Variants in SETD2 observed in about 807,000 individuals in gnomAD.
The protein encoded by SETD2 is histone-lysine N-methyltransferase SETD2.
In SETD2, 31 loss-of-function variants were observed where a neutral mutation model predicts 242.1. The ratio of observed to expected loss-of-function variants is 0.13; its 90% confidence interval spans 0.10 to 0.17. The LOEUF is 0.17. Among genes scored for constraint, SETD2 ranks in the 10% least tolerant of loss-of-function variants. The pLI is 1.00. For missense variants in SETD2, 2,481 were observed against 3,046.3 expected (o/e 0.81, Z 4.37); for synonymous variants, 1,006 against 1,066.5 (o/e 0.94, Z 1.11).
chr3:47,131,080 G>A (rs770732877), intron 1 of SETD2, among the ~76,000 whole-genome samples: 25 of 152,032 alleles, frequency 1.6e-4, no homozygotes, highest in Non-Finnish European at 3.2e-4. Flanking sequence ...CCTATCAAGC[G>A]CATTAATAAA....
At chr3:47,080,875 C>T (rs2041291400) in intron 12 of SETD2, 9 of 986,902 alleles carry the variant, frequency 9.1e-6, no homozygotes, top group Non-Finnish European at 1.1e-5. Context: ...ACCAAAATAA[C>T]GCCGGCGCCA....
Position 47,122,865 on chromosome 3 carries a change from G to T in SETD2, c.1771C>A (p.Gln591Lys). The T allele has an allele frequency of 6.2e-7, 1 of 1,611,516 alleles. No homozygotes were observed. The highest frequency in any genetic ancestry group is 8.5e-7 in the Non-Finnish European group (1 of 1,178,820). ...TCACTACCTTTTGAACAAGGTGTCT[G>T]TAAACTAAAAGAATGAGACTGTTTG... ...EIKQSHSFSL[Q>K]TPCSKGSELR... Residue 591 changes from glutamine to lysine, a missense_variant, in exon 3 of 21, where the codon CAG becomes AAG. By Grantham distance (53) the Gln-to-Lys change is moderately conservative (BLOSUM62 1). This residue lies in a region of SETD2 where 1,300 missense variants were observed against 1,259.2 expected (regional missense o/e 1.03). Transcript: ENST00000409792.
chr3:47,029,255 G>T (rs544708906), intron 18 of SETD2, among the ~76,000 whole-genome samples: 6 of 150,040 alleles, frequency 4.0e-5, no homozygotes, highest in Admixed American at 1.3e-4. Flanking sequence ...TAATGGTTTT[G>T]CCATGTTGCT....
chr3:47,037,289 A>T (rs1360635932), intron 18 of SETD2, among the ~76,000 whole-genome samples: 1 of 15,888 alleles, frequency 6.3e-5, no homozygotes, highest in African/African-American at 2.1e-4. Context: ...CCTCCCCCCC[A>T]CCCCACAACA....
rs746071825 is a variant in SETD2, at chr3:47,019,787, C to T, written c.7404G>A (p.Lys2468=). 16 of 1,613,866 alleles carry T rather than the reference C, an allele frequency of 9.9e-6. No individual in the cohort carries two copies. ...CTTTTCTGAATACTTCTTTGCTTTT[C>T]TTTGCTAGTTCACTGGAGGTGTCTG... ...AEADTSSELA[K]KSKEVFRKEM... is the part of the protein sequence containing the mutation. The change falls in exon 19 of 21, where the codon AAG becomes AAA. Residue 2468 remains lysine (K), a synonymous_variant. Coordinates refer to ENST00000409792, the MANE Select transcript of SETD2 (RefSeq NM_014159.7).
intron 1 of SETD2, among the ~76,000 whole-genome samples, chr3:47,132,819 T>C (rs2043509462): frequency 1.3e-5 from 2 of 152,210 alleles, no homozygotes. Flanking sequence ...AGAAAAAAAC[T>C]GTCAGACATA....
At chr3:47,119,141 G>T (rs2042973843) in intron 3 of SETD2, among the ~76,000 whole-genome samples, 3 of 152,128 alleles carry the variant, frequency 2.0e-5, no homozygotes, top group Admixed American at 2.0e-4. Flanking sequence ...AAAAAGGAGA[G>T]TAAGGGGGCA....
chr3:47,039,732 T>C (rs961502683), intron 17 of SETD2, among the ~76,000 whole-genome samples: 3 of 112,424 alleles, frequency 2.7e-5, no homozygotes, highest in Admixed American at 9.1e-5. Context: ...AAAAAAAAAA[T>C]TAGTTGGGCA....
Position 47,123,502 on chromosome 3 carries a change from A to G in SETD2, c.1134T>C (p.Phe378=), listed in dbSNP as rs2043194881. The change falls in exon 3 of 21, where the codon TTT becomes TTC. Residue 378 remains phenylalanine, a synonymous_variant. Transcript: ENST00000409792. Reference sequence around the variant, plus strand: ...TATCTCTTTCAAGTTTTGAATAGCTAAAATATTTATCATCTCTGTCTGTTT... The same window carrying G: ...TATCTCTTTCAAGTTTTGAATAGCTGAAATATTTATCATCTCTGTCTGTTT... The part of the protein sequence containing the change: ...RSKTDRDDKY[F]SYSKLERDTR... The G allele has an allele frequency of 6.4e-7, 1 of 1,550,914 alleles. No individual in the cohort carries two copies. Among genetic ancestry groups the G allele is most frequent in the African/African-American group, 1.4e-5 (1 of 73,054 alleles).
chr3:47,032,310 G>C (rs1221366654), intron 18 of SETD2, among the ~76,000 whole-genome samples: 1 of 151,542 alleles, frequency 6.6e-6, no homozygotes, highest in African/African-American at 2.4e-5. Context: ...CCAGAAGTTT[G>C]AGACCAGCCT....
Position 47,105,960 on chromosome 3 carries a change from A to C in SETD2, c.4839+37T>G, listed in dbSNP as rs143582068. 2.5e-6 allele frequency: 4 copies of C among 1,601,326 alleles called. No individual in the cohort carries two copies. In the African/African-American group the frequency reaches 5.4e-5, roughly 22 times the overall value. ...TATCAATGGCTCCTTCAAACCTAAC[A>C]GATCTGTTTCAAGGCAAACATATCC... On this transcript the variant is annotated intron_variant, in intron 6 of 20. Coordinates refer to ENST00000409792, the MANE Select transcript of SETD2 (RefSeq NM_014159.7).
Position 47,106,493 on chromosome 3 carries a change from TAA to T in SETD2, c.4716-375_4716-374del, listed in dbSNP as rs766455577. ...CTGAAAAGTTAGAGGATTTTTGCTCTAAAAAAAAAAAAAAAAAAAAAAAAAAA... is the reference window on the plus strand; with the variant it reads ...CTGAAAAGTTAGAGGATTTTTGCTCTAAAAAAAAAAAAAAAAAAAAAAAAA... On this transcript the variant is annotated intron_variant, in intron 5 of 20. Coordinates refer to ENST00000409792, the MANE Select transcript of SETD2 (RefSeq NM_014159.7). Among the ~76,000 whole-genome samples the T allele has an allele frequency of 1.0e-3, 59 of 57,262 alleles. 3 individuals carry two copies. The highest frequency in any genetic ancestry group is 3.7e-3 in the African/African-American group (55 of 14,920). 37.6% of individuals were successfully genotyped at this position (57,262 alleles called of 152,430 possible).
At chr3:47,058,662 G>A (rs377564681) in intron 14 of SETD2, among the ~76,000 whole-genome samples, 46 of 151,446 alleles carry the variant, frequency 3.0e-4, no homozygotes, top group Middle Eastern at 3.4e-3. Context: ...GTGAAAGAAG[G>A]CAAATTCAAA....
chr3:47,120,696 G>C lies in SETD2; in HGVS notation c.3940C>G (p.Pro1314Ala), dbSNP rs377488968. Residue 1314 changes from proline (P) to alanine (A), a missense_variant, in exon 3 of 21, where the codon CCT becomes GCT. By Grantham distance (27) the Pro-to-Ala change is conservative. Transcript: ENST00000409792. ...CGATCATACACAACCCCAGTTCCAGGAGGTCTACCTGATCTTGGATCCCAG... is the reference window on the plus strand; with the variant it reads ...CGATCATACACAACCCCAGTTCCAGCAGGTCTACCTGATCTTGGATCCCAG... ...GYWDPRSGRP[P>A]GTGVVYDRTQ... 4 of 1,614,126 alleles carry C rather than the reference G, an allele frequency of 2.5e-6. No individual in the cohort carries two copies. The highest frequency in any genetic ancestry group is 3.4e-6 in the Non-Finnish European group (4 of 1,180,014).
chr3:47,123,159 G>A lies in SETD2; in HGVS notation c.1477C>T (p.Arg493Trp), dbSNP rs778693117. The change falls in exon 3 of 21, where the codon CGG (arginine) becomes TGG (tryptophan). Residue 493 changes from arginine to tryptophan, a missense_variant. This residue lies in a region of SETD2 where 1,300 missense variants were observed against 1,259.2 expected (regional missense o/e 1.03). Coordinates refer to ENST00000409792, the MANE Select transcript of SETD2 (RefSeq NM_014159.7). ...TAAGAGGTCTCAGTTTTACAGTCCC[G>A]ATCAGATTTAGAATAGGATGATGTC... The part of the protein sequence containing the change: ...LRTSSYSKSD[R>W]DCKTETSYLE... 5.2e-5 allele frequency: 84 copies of A among 1,610,584 alleles called. 1 individual carries two copies. The highest frequency in any genetic ancestry group is 3.7e-4 in the South Asian group (34 of 90,782).
rs1487228978 is a variant in SETD2, at chr3:47,121,302, A to C, written c.3334T>G (p.Leu1112Val). 2 of 1,612,882 alleles carry C rather than the reference A, an allele frequency of 1.2e-6. No homozygotes were observed. ...ATACTTTCAAATTTTTCCTCATACA[A>C]ATGTCTCCTTGACTCCAATCTCTCA... ...EDERLESRRH[L>V]YEEKFESIAS... The change falls in exon 3 of 21, where the codon TTG becomes GTG. Residue 1112 changes from leucine (L) to valine (V), a missense_variant. Physicochemically the swap from Leu to Val is conservative, Grantham distance 32 (BLOSUM62 1). This residue lies in a region of SETD2 where 1,300 missense variants were observed against 1,259.2 expected (regional missense o/e 1.03). Transcript: ENST00000409792.
At chr3:47,018,723 A>G (rs1213083011) in intron 19 of SETD2, among the ~76,000 whole-genome samples, 4 of 152,234 alleles carry the variant, frequency 2.6e-5, no homozygotes, top group African/African-American at 4.8e-5. Flanking sequence ...AAATTCTGCA[A>G]TGGTTCCCGA....
At chr3:47,086,491 T>C (rs144071591) in intron 10 of SETD2, among the ~76,000 whole-genome samples, 177 bp from the exon 11 acceptor site, 75 of 152,310 alleles carry the variant, frequency 4.9e-4, no homozygotes, top group Non-Finnish European at 9.6e-4. Context: ...AACAAATGCT[T>C]TAAACAGATT....
At chr3:47,099,037 C>T (rs1056517475) in intron 8 of SETD2, among the ~76,000 whole-genome samples, 2 of 152,096 alleles carry the variant, frequency 1.3e-5, no homozygotes, top group Non-Finnish European at 2.9e-5. Flanking sequence ...ACAAGAGAAG[C>T]AGACAGAATC....
Sources: gnomAD v4.1 joint callset for allele counts (sites outside exome capture counted in the v4.1 genomes callset) on GRCh38, gnomAD v4.1.1 for gene constraint, gnomAD v4.1.1 regional missense constraint, MANE v1.5 for transcripts, NCBI Gene and HGNC (gene_info 2026-07-23, HGNC 2026-07-21) for gene names.